Variants in ZSWIM8 observed in about 807,000 individuals in gnomAD.
ZSWIM8 encodes zinc finger SWIM domain-containing protein 8.
Under a neutral mutation model 173.7 loss-of-function variants are expected in ZSWIM8, and 27 were observed. The observed-to-expected ratio is 0.16, with a 90% confidence interval of 0.11 to 0.21. The LOEUF is 0.21. Ranked by LOEUF, ZSWIM8 falls within the 10% of genes least tolerant of loss-of-function variation. The probability of loss-of-function intolerance (pLI) is 1.00; values close to 1 mark genes in which losing one functional copy is unlikely to be tolerated. For synonymous variants in ZSWIM8, 958 were observed against 962.0 expected, an observed-to-expected ratio of 1.00 and a Z score of 0.08; for missense variants, 1,627 against 2,428.8, an observed-to-expected ratio of 0.67 and a Z score of 6.94.
In ZSWIM8 at chr10:73,798,301, C is replaced by G. The variant is rs1297898025; in HGVS notation, c.4024C>G (p.Pro1342Ala). The stretch of plus-strand genomic sequence containing the variant: ...ATGCTGGGATGGGCACCTGACACCC[C>G]CTGAGGTTGCATCCCTGGCTGACAG... Reference protein sequence around the residue: ...VECWDGHLTPPEVASLADRAS... With the variant: ...VECWDGHLTPAEVASLADRAS... The change falls in exon 20 of 26, where the codon CCT (proline) becomes GCT (alanine). Residue 1342 changes from proline to alanine, a missense_variant. Physicochemically the swap from Pro to Ala is conservative, Grantham distance 27. Coordinates refer to ENST00000604729, the MANE Select transcript of ZSWIM8 (RefSeq NM_001367799.1). The G allele has an allele frequency of 6.2e-7, 1 of 1,613,938 alleles. No homozygotes were observed. The highest frequency in any genetic ancestry group is 8.5e-7 in the Non-Finnish European group (1 of 1,179,908).
At chr10:73,787,233 C>T (rs1294766629) in intron 1 of ZSWIM8, among the ~76,000 whole-genome samples, 14 of 152,152 alleles carry the variant, frequency 9.2e-5, no homozygotes, top group Non-Finnish European at 1.6e-4. Flanking sequence ...CGTGAGCCAC[C>T]GCTCCCGGCA....
chr10:73,789,642 G>A lies in ZSWIM8; in HGVS notation c.631-75G>A. On this transcript the variant is annotated intron_variant, in intron 4 of 25. Coordinates refer to ENST00000604729, the MANE Select transcript of ZSWIM8 (RefSeq NM_001367799.1). This position sits in a 1 kb window ranked among gnomAD's most constrained non-coding sequence, Gnocchi z 6.8. ...TGAGCCCCCTCGCCTCGCCTACTCT[G>A]CCTCTCTGTCCCCCAGCTCCAGCTC... is the stretch of plus-strand genomic sequence containing the variant. 6.5e-7 allele frequency: 1 copy of A among 1,548,398 alleles called. No individual in the cohort carries two copies. The highest frequency in any genetic ancestry group is 1.4e-5 in the African/African-American group (1 of 73,180).
At chr10:73,786,151 G>A in intron 1 of ZSWIM8, 65 bp downstream of exon 1, 2 of 1,420,272 alleles carry the variant, frequency 1.4e-6, no homozygotes, top group Non-Finnish European at 1.9e-6. Flanking sequence ...GGAGCTGTCC[G>A]GGACCAGGAG....
intron 2 of ZSWIM8, 117 bp from the exon 3 acceptor site, chr10:73,788,979 C>T: frequency 3.4e-6 from 3 of 885,688 alleles, no homozygotes; most frequent in Non-Finnish European, 4.9e-6. Context: ...CCCCCCACCC[C>T]CCGCCCTGGG....
chr10:73,799,511 G>T, intron 21 of ZSWIM8, 21 bp downstream of exon 21: 1 of 1,590,516 alleles, frequency 6.3e-7, no homozygotes, highest in East Asian at 2.3e-5. Context: ...TGTTCTGCTG[G>T]GGGGTAAGGC....
In ZSWIM8 at chr10:73,799,109, G is replaced by A. The variant is rs2271271; in HGVS notation, c.4284G>A (p.Leu1428=). 0.68 allele frequency: 1,098,195 copies of A among 1,613,064 alleles called. 385,192 individuals are homozygous for A. The highest frequency in any genetic ancestry group is 0.85 in the Middle Eastern group (5,154 of 6,056). Residue 1428 remains leucine (L), a synonymous_variant, in exon 21 of 26, where the codon CTG becomes CTA. Transcript: ENST00000604729. ...LFEVAHQWFW[L]YEQTAGGSST... ...AGGTTGCTCACCAGTGGTTCTGGCTGTATGAGCAAACTGCAGGTGGCTCAT... is the reference window on the plus strand; with the variant it reads ...AGGTTGCTCACCAGTGGTTCTGGCTATATGAGCAAACTGCAGGTGGCTCAT...
chr10:73,787,810 AC>A (rs2083278008), intron 1 of ZSWIM8, among the ~76,000 whole-genome samples: 1 of 152,142 alleles, frequency 6.6e-6, no homozygotes, highest in African/African-American at 2.4e-5. Flanking sequence ...CCAAGATGGC[AC>A]CATTGCACTC....
At position 73,794,653 on chromosome 10, in the gene ZSWIM8, A is replaced by G; in HGVS notation, c.2908+14A>G. The G allele has an allele frequency of 6.5e-7, 1 of 1,547,536 alleles. No individual in the cohort carries two copies. Among genetic ancestry groups the G allele is most frequent in the Non-Finnish European group, 8.7e-7 (1 of 1,144,284 alleles). On this transcript the variant is annotated intron_variant, in intron 14 of 25. Coordinates refer to ENST00000604729, the MANE Select transcript of ZSWIM8 (RefSeq NM_001367799.1). Reference sequence around the variant, plus strand: ...TTGCTGCCTTGGGTGAGTCTTGAGCATATCAACGAGCTAAGCCTGGTTCAG... The same window carrying G: ...TTGCTGCCTTGGGTGAGTCTTGAGCGTATCAACGAGCTAAGCCTGGTTCAG...
At position 73,791,843 on chromosome 10, in the gene ZSWIM8, C is replaced by G; in HGVS notation, c.1320-16C>G. 1 of 1,495,750 alleles carries G rather than the reference C, an allele frequency of 6.7e-7. No individual in the cohort carries two copies. Among genetic ancestry groups the G allele is most frequent in the Non-Finnish European group, 9.0e-7 (1 of 1,113,660 alleles). The allele number at this position is 1,495,750 out of a possible 1,614,324, so 92.7% of individuals were successfully genotyped here. A position where few individuals can be genotyped will look rare whatever the true frequency, so the allele number is the denominator to read the frequency against. On this transcript the variant is annotated splice_polypyrimidine_tract_variant and intron_variant, in intron 9 of 25. Transcript: ENST00000604729. The surrounding 1 kb of genome is among the most constrained non-coding windows in gnomAD (Gnocchi z 6.0). ...CCAGTAGCCCCTCAGCAGCCTCCTG[C>G]CCCTTGTTCCCACAGGCGCCGGGAA...
Position 73,785,623 on chromosome 10 carries a change from A to G in ZSWIM8, c.-256A>G, listed in dbSNP as rs1156317566. On this transcript the variant is annotated 5_prime_UTR_variant, in exon 1 of 26. Transcript: ENST00000604729. ...GGCTCCGCAGCCGCCTAGAGGCCCC[A>G]GCCGCCGAGCGCTTCGTCCCGGCCC... 4 of 563,940 alleles carry G rather than the reference A, an allele frequency of 7.1e-6. No individual in the cohort carries two copies. The highest frequency in any genetic ancestry group is 9.7e-5 in the East Asian group (2 of 20,558). 34.9% of individuals were successfully genotyped at this position (563,940 alleles called of 1,614,324 possible).
At chr10:73,788,565 A>G in intron 1 of ZSWIM8, 105 bp from the exon 2 acceptor site, 1 of 1,369,022 alleles carries the variant, frequency 7.3e-7, no homozygotes, top group Non-Finnish European at 9.9e-7. Flanking sequence ...TTTCTTTCAT[A>G]GTGAAGATGA....
chr10:73,790,972 C>T lies in ZSWIM8; in HGVS notation c.942-3C>T. The T allele has an allele frequency of 6.2e-7, 1 of 1,606,614 alleles. No individual in the cohort carries two copies. The highest frequency in any genetic ancestry group is 8.5e-7 in the Non-Finnish European group (1 of 1,179,238). ...ATGGTTTTCTGTTCCTCTGCTTTTA[C>T]AGTGATGTGAACTCCATGTATCTGT... On this transcript the variant is annotated splice_region_variant and splice_polypyrimidine_tract_variant and intron_variant, in intron 7 of 25. Coordinates refer to ENST00000604729, the MANE Select transcript of ZSWIM8 (RefSeq NM_001367799.1).
rs759037121 is a variant in ZSWIM8 at position 73,799,227 on chromosome 10, C to T, written c.4402C>T (p.Pro1468Ser). 1 of 1,604,902 alleles carries T rather than the reference C, an allele frequency of 6.2e-7. No individual in the cohort carries two copies. Among genetic ancestry groups the T allele is most frequent in the Admixed American group, 1.7e-5 (1 of 58,230 alleles). Residue 1468 changes from proline (P) to serine (S), a missense_variant, in exon 21 of 26, where the codon CCA (proline) becomes TCA (serine). By Grantham distance (74) the Pro-to-Ser change is moderately conservative. Transcript: ENST00000604729. The part of the protein sequence containing the change: ...GRGMPEGRGG[P>S]GTEPVTVAAA... ...GGGTATGCCTGAGGGTAGAGGGGGC[C>T]CAGGGACTGAGCCGGTTACAGTGGC...
In ZSWIM8 at chr10:73,792,319, G is replaced by A; in HGVS notation, c.1780G>A (p.Gly594Arg). The change falls in exon 10 of 26, where the codon GGG becomes AGG. Residue 594 changes from glycine (G) to arginine (R), a missense_variant. Physicochemically the swap from Gly to Arg is moderately radical, Grantham distance 125. This residue lies in a region of ZSWIM8 where 383 missense variants were observed against 394.8 expected (regional missense o/e 0.97). Coordinates refer to ENST00000604729, the MANE Select transcript of ZSWIM8 (RefSeq NM_001367799.1). The surrounding 1 kb of genome is among the most constrained non-coding windows in gnomAD (Gnocchi z 4.3). ...KAKALGGAGSGSKGSAGGGSK... is the reference protein window; with the variant it reads ...KAKALGGAGSRSKGSAGGGSK... ...CAAGGCACTGGGTGGGGCTGGCAGT[G>A]GGAGCAAGGGCTCAGCAGGTGGCGG... 1 of 1,612,870 alleles carries A rather than the reference G, an allele frequency of 6.2e-7. No homozygotes were observed. The highest frequency in any genetic ancestry group is 8.5e-7 in the Non-Finnish European group (1 of 1,179,440).
At chr10:73,786,726 C>T (rs2083241162) in intron 1 of ZSWIM8, 1 of 152,244 alleles carries the variant, frequency 6.6e-6, no homozygotes, top group Admixed American at 6.5e-5. Context: ...CTGGCCATGT[C>T]AAATATCTGT....
In ZSWIM8 at chr10:73,791,328, C is replaced by A; in HGVS notation, c.1148C>A (p.Thr383Lys). ...TDQCLTYEQI[T>K]GWWYSVRTSA... ...CACAGCCTTCTTTGTCTCCAGATAA[C>A]AGGTTGGTGGTATAGCGTACGTACC... The change falls in exon 9 of 26, where the codon ACA (threonine) becomes AAA (lysine). Residue 383 changes from threonine (T) to lysine (K), a missense_variant. Physicochemically the swap from Thr to Lys is moderately conservative, Grantham distance 78. This residue lies in a region of ZSWIM8 where 38 missense variants were observed against 106.1 expected (regional missense o/e 0.36). Coordinates refer to ENST00000604729, the MANE Select transcript of ZSWIM8 (RefSeq NM_001367799.1). The surrounding 1 kb of genome is among the most constrained non-coding windows in gnomAD (Gnocchi z 6.0). The A allele has an allele frequency of 1.2e-6, 2 of 1,602,018 alleles. No homozygotes were observed. Among genetic ancestry groups the A allele is most frequent in the Non-Finnish European group, 1.7e-6 (2 of 1,170,286 alleles).
In ZSWIM8 at chr10:73,797,650, C is replaced by A; in HGVS notation, c.3662+45C>A. ...CATCTTCCCTGATCTGGCCCACCCTCAGAGCCACACCCCTAGTGCAATCCA... is the reference window on the plus strand; with the variant it reads ...CATCTTCCCTGATCTGGCCCACCCTAAGAGCCACACCCCTAGTGCAATCCA... On this transcript the variant is annotated intron_variant, in intron 18 of 25. Transcript: ENST00000604729. The surrounding 1 kb of genome is among the most constrained non-coding windows in gnomAD (Gnocchi z 5.6). 1 of 1,600,768 alleles carries A rather than the reference C, an allele frequency of 6.2e-7. No individual in the cohort carries two copies. The highest frequency in any genetic ancestry group is 8.5e-7 in the Non-Finnish European group (1 of 1,171,214).
Position 73,785,914 on chromosome 10 carries a change from G to A in ZSWIM8, c.36G>A (p.Glu12=), listed in dbSNP as rs917190039. The A allele has an allele frequency of 6.5e-7, 1 of 1,550,228 alleles. No individual in the cohort carries two copies. The highest frequency in any genetic ancestry group is 1.4e-5 in the African/African-American group (1 of 72,934). Residue 12 remains glutamate, a synonymous_variant, in exon 1 of 26, where the codon GAG becomes GAA. Coordinates refer to ENST00000604729, the MANE Select transcript of ZSWIM8 (RefSeq NM_001367799.1). ...TGTTTGCAGAGTGGGAGGACGGAGAGCGCTTCTCATTCGAGGATTCGGACC... is the reference window on the plus strand; with the variant it reads ...TGTTTGCAGAGTGGGAGGACGGAGAACGCTTCTCATTCGAGGATTCGGACC... The part of the protein sequence containing the change: ...ELMFAEWEDG[E]RFSFEDSDRF...
In ZSWIM8 at chr10:73,792,919, T is replaced by G; in HGVS notation, c.2313+67T>G. ...ACAACTGGGAGGGGCTATCTAGCTC[T>G]AGTTGGGAGTGTCAGGACCATCAGC... On this transcript the variant is annotated intron_variant, in intron 10 of 25. Coordinates refer to ENST00000604729, the MANE Select transcript of ZSWIM8 (RefSeq NM_001367799.1). The surrounding 1 kb of genome is among the most constrained non-coding windows in gnomAD (Gnocchi z 4.3). 6.1e-6 allele frequency: 9 copies of G among 1,485,002 alleles called. No individual in the cohort carries two copies. Among genetic ancestry groups the G allele is most frequent in the African/African-American group, 1.4e-5 (1 of 71,496 alleles). 92.0% of individuals were successfully genotyped at this position (1,485,002 alleles called of 1,614,324 possible).
Sources: allele counts gnomAD v4.1 joint callset (sites outside exome capture counted in the v4.1 genomes callset), GRCh38; gene constraint gnomAD v4.1.1; regional missense constraint gnomAD v4.1.1; non-coding constraint Gnocchi (gnomAD v3.1); transcripts MANE v1.5; gene names NCBI Gene and HGNC (gene_info 2026-07-23, HGNC 2026-07-21).